Variants in AFG1L observed in about 807,000 individuals in gnomAD.
AFG1L encodes the protein AFG1 like ATPase.
In AFG1L, 53 loss-of-function variants were observed where a neutral mutation model predicts 62.2. The ratio of observed to expected loss-of-function variants is 0.85; its 90% CI spans 0.68 to 1.07. The LOEUF is 1.07. Ranked by LOEUF, AFG1L falls within the 50% of genes least tolerant of loss-of-function variation. The probability of loss-of-function intolerance (pLI) is 0.00; values close to 1 mark genes in which losing one functional copy is unlikely to be tolerated. For missense variants in AFG1L, 555 were observed against 590.5 expected (o/e 0.94, Z 0.62); for synonymous variants, 228 against 210.3 (o/e 1.08, Z -0.73).
chr6:108,298,139 A>G (rs1776842134), intron 1 of AFG1L, among the ~76,000 whole-genome samples: 1 of 152,028 alleles, frequency 6.6e-6, no homozygotes, highest in Non-Finnish European at 1.5e-5. Flanking sequence ...CTTAACTGCT[A>G]TTTGTACTAG....
chr6:108,518,170 G>T (rs1291976776), intron 11 of AFG1L, among the ~76,000 whole-genome samples: 1 of 152,134 alleles, frequency 6.6e-6, no homozygotes, highest in Non-Finnish European at 1.5e-5. Context: ...CCCAAAGGAT[G>T]ATAAATCATG....
intron 8 of AFG1L, among the ~76,000 whole-genome samples, chr6:108,448,350 T>C (rs1771897870): frequency 6.6e-6 from 1 of 152,180 alleles, no homozygotes; most frequent in African/African-American, 2.4e-5. Flanking sequence ...TACTGGATAT[T>C]TTATTTTTCT....
Position 108,489,555 on chromosome 6 carries a change from C to T in AFG1L, c.1062+12263C>T, listed in dbSNP as rs1420263781. ...CCATGCCCCTCATCAGGGTACATGG[C>T]TGGACAGAGTATGGACTGGATTTCA... On this transcript the variant is annotated intron_variant, in intron 10 of 12. Transcript: ENST00000368977. 2.0e-5 allele frequency among the ~76,000 whole-genome samples: 3 copies of T among 152,218 alleles called. No individual in the cohort carries two copies. In the East Asian group the frequency reaches 5.8e-4, roughly 29 times the overall value.
In AFG1L at chr6:108,522,445, A is replaced by G. The variant is rs1775162349; in HGVS notation, c.*20A>G. 1 of 1,602,806 alleles carries G rather than the reference A, an allele frequency of 6.2e-7. No homozygotes were observed. Among genetic ancestry groups the G allele is most frequent in the Non-Finnish European group, 8.5e-7 (1 of 1,171,480 alleles). ...AAGTAACTGCCACTTTTGCATAAAT[A>G]AAACTCTAGACAAATGGTTAACGCA... On this transcript the variant is annotated 3_prime_UTR_variant, in exon 13 of 13. Coordinates refer to ENST00000368977, the MANE Select transcript of AFG1L (RefSeq NM_145315.5).
Position 108,522,573 on chromosome 6 carries a change from T to C in AFG1L, c.*148T>C, listed in dbSNP as rs117937731. The C allele has an allele frequency of 0.012, 9,452 of 770,390 alleles. 68 individuals are homozygous for C. The highest frequency in any genetic ancestry group is 0.024 in the Middle Eastern group (89 of 3,756). 47.7% of individuals were successfully genotyped at this position (770,390 alleles called of 1,614,324 possible). A position where few individuals can be genotyped will look rare whatever the true frequency, so the allele number is the denominator to read the frequency against. On this transcript the variant is annotated 3_prime_UTR_variant, in exon 13 of 13. Transcript: ENST00000368977. ...TAATCTAAAATTGCTCTCAAGGATC[T>C]AGTGGATTAGTAAGTTAAACACTTA... is the stretch of plus-strand genomic sequence containing the variant.
chr6:108,340,367 G>GTT (rs35206585), intron 2 of AFG1L, among the ~76,000 whole-genome samples: 25 of 116,730 alleles, frequency 2.1e-4, no homozygotes, highest in Non-Finnish European at 3.2e-4. Context: ...TAATTTCAGT[G>GTT]TTTTTTTTTT....
intron 11 of AFG1L, among the ~76,000 whole-genome samples, chr6:108,511,893 C>T (rs1191140570): frequency 6.6e-6 from 1 of 152,180 alleles, no homozygotes; most frequent in Admixed American, 6.5e-5. Context: ...GCTTAGATAG[C>T]CTGATATCAG....
intron 2 of AFG1L, among the ~76,000 whole-genome samples, chr6:108,335,984 A>T (rs148250963): frequency 3.3e-5 from 5 of 152,322 alleles, no homozygotes; most frequent in African/African-American, 9.6e-5. Flanking sequence ...TATGCTAGTA[A>T]ACTGAGCAAG....
rs909101685 is a variant in AFG1L at position 108,389,612 on chromosome 6, T to G, written c.749-12384T>G. On this transcript the variant is annotated intron_variant, in intron 6 of 12. Transcript: ENST00000368977. ...TCTCAGCATTTGCTTGTCTGTAAAG[T>G]ATTTTATTTCTCCTTCACTTATGAA... Among the ~76,000 whole-genome samples, 275 of 152,174 alleles carry G rather than the reference T, an allele frequency of 1.8e-3. 2 individuals carry two copies. Among genetic ancestry groups the G allele is most frequent in the Middle Eastern group, 3.4e-3 (1 of 294 alleles).
intron 1 of AFG1L, among the ~76,000 whole-genome samples, chr6:108,297,503 G>A (rs1255425047): frequency 6.6e-6 from 1 of 151,506 alleles, no homozygotes; most frequent in African/African-American, 2.4e-5. Context: ...CTGTTTTTTT[G>A]GGGGGGTACA....
At chr6:108,344,096 T>TA (rs1430786886) in intron 2 of AFG1L, among the ~76,000 whole-genome samples, 2 of 152,120 alleles carry the variant, frequency 1.3e-5, no homozygotes, top group African/African-American at 4.8e-5. Flanking sequence ...ACCCCATCTC[T>TA]ACAGGATAGT....
chr6:108,375,821 G>A (rs1228124985), intron 6 of AFG1L, among the ~76,000 whole-genome samples: 2 of 152,090 alleles, frequency 1.3e-5, no homozygotes, highest in African/African-American at 4.8e-5. Flanking sequence ...GGGTGATACT[G>A]GCTTTGTAGA....
intron 10 of AFG1L, among the ~76,000 whole-genome samples, chr6:108,507,064 CTTCT>C (rs923551457): frequency 1.3e-5 from 2 of 152,062 alleles, no homozygotes; most frequent in African/African-American, 4.8e-5. Context: ...ACATTTCATT[CTTCT>C]TTCTCATGTT....
chr6:108,476,934 T>G lies in AFG1L; in HGVS notation c.960T>G (p.Asp320Glu), dbSNP rs1476591684. Reference sequence around the variant, plus strand: ...ATGAGCTGGCTCAGAAACAAAATGATTGTACGTAAGTTAATTTCTCTTGAA... The same window carrying G: ...ATGAGCTGGCTCAGAAACAAAATGAGTGTACGTAAGTTAATTTCTCTTGAA... Reference protein sequence around the residue: ...LFDELAQKQNDLTRPRILKVQ... With the variant: ...LFDELAQKQNELTRPRILKVQ... The change falls in exon 9 of 13, where the codon GAT (aspartate) becomes GAG (glutamate). Residue 320 changes from aspartate (D) to glutamate (E), a missense_variant and splice_region_variant. By Grantham distance (45) the Asp-to-Glu change is conservative. Coordinates refer to ENST00000368977, the MANE Select transcript of AFG1L (RefSeq NM_145315.5). The G allele has an allele frequency of 1.2e-6, 2 of 1,612,688 alleles. No homozygotes were observed. Among genetic ancestry groups the G allele is most frequent in the African/African-American group, 1.3e-5 (1 of 74,908 alleles).
chr6:108,476,860 T>A lies in AFG1L; in HGVS notation c.891-5T>A, dbSNP rs1423942759. The A allele has an allele frequency of 2.5e-6, 4 of 1,610,002 alleles. No individual in the cohort carries two copies. The highest frequency in any genetic ancestry group is 3.4e-6 in the Non-Finnish European group (4 of 1,176,350). ...TTTCATATTCTATTATTCTTTTCAC[T>A]GTAGCACAAGTGAAGCTGATGTGGA... On this transcript the variant is annotated splice_polypyrimidine_tract_variant and splice_region_variant and intron_variant, in intron 8 of 12. Coordinates refer to ENST00000368977, the MANE Select transcript of AFG1L (RefSeq NM_145315.5).
At chr6:108,498,836 G>A (rs929848347) in intron 10 of AFG1L, among the ~76,000 whole-genome samples, 5 of 152,010 alleles carry the variant, frequency 3.3e-5, no homozygotes, top group East Asian at 3.9e-4. Flanking sequence ...TTAGACAGGC[G>A]TGTGGCATGC....
At chr6:108,444,923 T>C (rs1771699491) in intron 7 of AFG1L, among the ~76,000 whole-genome samples, 1 of 152,224 alleles carries the variant, frequency 6.6e-6, no homozygotes, top group African/African-American at 2.4e-5. Context: ...GCCTGTCCTT[T>C]GAAGCTTTGA....
intron 6 of AFG1L, among the ~76,000 whole-genome samples, chr6:108,369,862 G>A (rs928804676): frequency 6.6e-6 from 1 of 151,982 alleles, no homozygotes; most frequent in African/African-American, 2.4e-5. Flanking sequence ...CACCTGCCTC[G>A]GCCTCCCAAA....
intron 1 of AFG1L, among the ~76,000 whole-genome samples, chr6:108,314,641 C>T (rs1037997495): frequency 6.6e-6 from 1 of 152,060 alleles, no homozygotes; most frequent in Non-Finnish European, 1.5e-5. Context: ...TCAGGCCATC[C>T]GCCCGCCTCG....
Sources: allele counts gnomAD v4.1 joint callset (sites outside exome capture counted in the v4.1 genomes callset), GRCh38; gene constraint gnomAD v4.1.1; transcripts MANE v1.5; gene names NCBI Gene and HGNC (gene_info 2026-07-23, HGNC 2026-07-21).